GAK: variants seen among roughly 807,000 people sequenced by gnomAD.
The protein encoded by GAK is cyclin-G-associated kinase.
GAK carries 79 observed loss-of-function variants against 143.9 expected under a neutral mutation model. The ratio of observed to expected loss-of-function variants is 0.55; its 90% CI spans 0.46 to 0.66. The LOEUF (loss-of-function observed/expected upper bound fraction) is 0.66, where lower values mean the gene tolerates loss of function less well. Ranked by LOEUF, GAK falls within the 30% of genes least tolerant of loss-of-function variation. GAK has a pLI of 0.00. For synonymous variants in GAK, 881 were observed against 765.5 expected (o/e 1.15, Z -2.49); for missense variants, 1,693 against 1,779.7 (o/e 0.95, Z 0.88).
chr4:884,309 T>C (rs1715799581), intron 11 of GAK: 5 of 543,252 alleles, frequency 9.2e-6, no homozygotes, highest in Non-Finnish European at 9.8e-6. Flanking sequence ...AATGACAGCC[T>C]GCAGCTGGTG....
intron 16 of GAK, 59 bp downstream of exon 16, chr4:877,556 A>G: frequency 6.7e-7 from 1 of 1,501,432 alleles, no homozygotes; most frequent in African/African-American, 1.4e-5. Flanking sequence ...TTCCTCTTTA[A>G]CGGTTTTCCG....
intron 6 of GAK, 195 bp downstream of exon 6, chr4:897,838 A>T: frequency 2.0e-6 from 1 of 510,030 alleles, no homozygotes. Context: ...AACCCCAGCT[A>T]CTCGGGAGGC....
chr4:879,473 C>A (rs891573851), intron 15 of GAK, among the ~76,000 whole-genome samples: 2 of 149,692 alleles, frequency 1.3e-5, no homozygotes, highest in East Asian at 2.0e-4. Context: ...CTGTTGACTT[C>A]TTAATTACAG....
At position 849,873 on chromosome 4, in the gene GAK, G is replaced by A. The variant is rs368887609; in HGVS notation, c.3834+19C>T. 387 of 1,520,128 alleles carry A rather than the reference G, an allele frequency of 2.5e-4. 3 individuals carry two copies. The highest frequency in any genetic ancestry group is 5.4e-4 in the Middle Eastern group (3 of 5,582). 94.2% of individuals were successfully genotyped at this position (1,520,128 alleles called of 1,614,324 possible). On this transcript the variant is annotated intron_variant, in intron 27 of 27. Coordinates refer to ENST00000314167, the MANE Select transcript of GAK (RefSeq NM_005255.4). ...CCGCCCCTGAAGGCCTCAAGCGGCCGCCTGGCAGCTCTGCTCACCTTGTCG... is the reference window on the plus strand; with the variant it reads ...CCGCCCCTGAAGGCCTCAAGCGGCCACCTGGCAGCTCTGCTCACCTTGTCG...
chr4:908,005 C>T (rs888513086), intron 4 of GAK, among the ~76,000 whole-genome samples: 1 of 152,248 alleles, frequency 6.6e-6, no homozygotes, highest in Non-Finnish European at 1.5e-5. Context: ...GCCGCTCCCT[C>T]GTGCACATAT....
intron 26 of GAK, 144 bp from the exon 27 acceptor site, chr4:850,212 C>T (rs556136816): frequency 2.6e-5 from 19 of 738,630 alleles, no homozygotes; most frequent in African/African-American, 1.2e-4. Flanking sequence ...TCCCACTGCA[C>T]GCCCTGCCCT....
intron 23 of GAK, among the ~76,000 whole-genome samples, chr4:860,591 T>G (rs1410148806): frequency 6.6e-6 from 1 of 152,124 alleles, no homozygotes; most frequent in Admixed American, 6.5e-5. Flanking sequence ...ACCTTCACAG[T>G]GATCATCCAA....
At chr4:910,193 C>T (rs1293955757) in intron 4 of GAK, among the ~76,000 whole-genome samples, 1 of 152,154 alleles carries the variant, frequency 6.6e-6, no homozygotes, top group African/African-American at 2.4e-5. Flanking sequence ...CTGACAGGTG[C>T]AGCCGCTATA....
intron 3 of GAK, 194 bp downstream of exon 3, chr4:912,541 T>TA (rs566078260): frequency 0.1 from 43,103 of 418,432 alleles, 32 homozygotes; most frequent in South Asian, 0.19. Context: ...ACCCTGGCAG[T>TA]AAAAAAAAAA....
intron 11 of GAK, 198 bp downstream of exon 11, chr4:888,649 A>C (rs1229392037): frequency 6.4e-6 from 4 of 623,846 alleles, no homozygotes; most frequent in Non-Finnish European, 1.1e-5. Flanking sequence ...CGATGAAAGG[A>C]AAGGGATCTG....
Position 866,977 on chromosome 4 carries a change from T to C in GAK, c.2851A>G (p.Arg951Gly). 2.0e-6 allele frequency: 3 copies of C among 1,492,754 alleles called. No homozygotes were observed. The highest frequency in any genetic ancestry group is 2.7e-6 in the Non-Finnish European group (3 of 1,121,480). 92.5% of individuals were successfully genotyped at this position (1,492,754 alleles called of 1,614,324 possible). A position where few individuals can be genotyped will look rare whatever the true frequency, so the allele number is the denominator to read the frequency against. The change falls in exon 21 of 28, where the codon AGA (arginine) becomes GGA (glycine). Residue 951 changes from arginine to glycine, a missense_variant. Arg to Gly is a moderately radical substitution (Grantham distance 125, BLOSUM62 -2). Around this residue, in one of 2 missense-constraint regions of GAK, gnomAD observed 822 missense variants for 788.7 expected, o/e 1.04. Coordinates refer to ENST00000314167, the MANE Select transcript of GAK (RefSeq NM_005255.4). ...GTACCAGCGGCAGGGGGCCCTCCTCTTGGGGTGCTCTGCACGCTCAGGGGA... is the reference window on the plus strand; with the variant it reads ...GTACCAGCGGCAGGGGGCCCTCCTCCTGGGGTGCTCTGCACGCTCAGGGGA... ...APPLSVQSTP[R>G]GGPPAAADPF...
intron 14 of GAK, 30 bp downstream of exon 14, chr4:882,667 A>G (rs200079610): frequency 7.9e-5 from 127 of 1,605,552 alleles, no homozygotes; most frequent in Non-Finnish European, 1.1e-4. Context: ...TTGACAGAAG[A>G]CGGCGCCAGC....
At position 858,307 on chromosome 4, in the gene GAK, C is replaced by T. The variant is rs188711539; in HGVS notation, c.3283+1299G>A. ...TTTTCCTTCAGTTGTATCGGCTTTGCTCTTCCAGAATTGCTGTCTTCCTAG... is the reference window on the plus strand; with the variant it reads ...TTTTCCTTCAGTTGTATCGGCTTTGTTCTTCCAGAATTGCTGTCTTCCTAG... On this transcript the variant is annotated intron_variant, in intron 24 of 27. Coordinates refer to ENST00000314167, the MANE Select transcript of GAK (RefSeq NM_005255.4). Among the ~76,000 whole-genome samples, 6 of 152,328 alleles carry T rather than the reference C, an allele frequency of 3.9e-5. No homozygotes were observed. The East Asian group carries it at 1.2e-3, about 29-fold the overall frequency.
chr4:872,745 A>G (rs1185901290), intron 18 of GAK: 1 of 152,432 alleles, frequency 6.6e-6, no homozygotes, highest in Non-Finnish European at 1.5e-5. Context: ...CGGCTCACCC[A>G]GCCTGGCGCT....
intron 15 of GAK, 77 bp from the exon 16 acceptor site, chr4:877,886 G>T (rs1232689466): frequency 7.4e-7 from 1 of 1,353,810 alleles, no homozygotes; most frequent in Admixed American, 2.8e-5. Flanking sequence ...CTTTCGAATA[G>T]AAGTTTTTCA....
At chr4:859,540 G>C in intron 24 of GAK, 66 bp downstream of exon 24, 6 of 1,591,058 alleles carry the variant, frequency 3.8e-6, no homozygotes, top group Non-Finnish European at 5.2e-6. Flanking sequence ...CTCAGAGTCA[G>C]ATAGACGAGA....
intron 7 of GAK, among the ~76,000 whole-genome samples, chr4:895,416 A>G (rs1186155131): frequency 6.6e-6 from 1 of 152,238 alleles, no homozygotes; most frequent in African/African-American, 2.4e-5. Flanking sequence ...GGATGTGCAG[A>G]GGACCAGTCA....
At chr4:929,147 A>C (rs996282163) in intron 1 of GAK, among the ~76,000 whole-genome samples, 1 of 152,110 alleles carries the variant, frequency 6.6e-6, no homozygotes, top group Non-Finnish European at 1.5e-5. Context: ...ACCACACACA[A>C]GTGGCCCTGG....
intron 4 of GAK, among the ~76,000 whole-genome samples, chr4:910,974 C>T (rs536723765): frequency 4.6e-5 from 7 of 152,272 alleles, no homozygotes; most frequent in South Asian, 4.1e-4. Context: ...GCCAGGTCTC[C>T]GGCCAGTCAG....
Sources: allele counts gnomAD v4.1 joint callset (sites outside exome capture counted in the v4.1 genomes callset), GRCh38; gene constraint gnomAD v4.1.1; regional missense constraint gnomAD v4.1.1; transcripts MANE v1.5; gene names NCBI Gene and HGNC (gene_info 2026-07-23, HGNC 2026-07-21).